The following LMNTD1 variants were observed in gnomAD, a reference collection of about 807,000 sequenced individuals.
LMNTD1 encodes the protein lamin tail domain containing 1.
In LMNTD1, 35 loss-of-function variants were observed where a neutral mutation model predicts 50.9. The observed-to-expected ratio is 0.69, with a 90% CI of 0.53 to 0.91. LMNTD1 has a LOEUF of 0.91. LMNTD1 is among the 40% of genes least tolerant of loss of function. The pLI is 0.00. For missense variants in LMNTD1, 470 were observed against 475.5 expected (o/e 0.99, Z 0.11); for synonymous variants, 153 against 161.9 (o/e 0.94, Z 0.42).
At chr12:25,597,587 C>A (rs1945870916) in intron 1 of LMNTD1, among the ~76,000 whole-genome samples, 1 of 152,026 alleles carries the variant, frequency 6.6e-6, no homozygotes, top group South Asian at 2.1e-4. Context: ...CTGGACAGAC[C>A]TTCCAGACAT....
intron 8 of LMNTD1, among the ~76,000 whole-genome samples, chr12:25,511,084 G>A (rs1029162495): frequency 5.9e-5 from 9 of 152,106 alleles, no homozygotes; most frequent in Non-Finnish European, 4.4e-5. Flanking sequence ...GAGGAGGGGT[G>A]AAAGAATGTG....
intron 1 of LMNTD1, among the ~76,000 whole-genome samples, chr12:25,606,774 G>T (rs917113334): frequency 6.6e-6 from 1 of 152,164 alleles, no homozygotes; most frequent in Non-Finnish European, 1.5e-5. Flanking sequence ...GTTCATCAAG[G>T]GTATTGGTCT....
At chr12:25,607,006 C>A (rs556637304) in intron 1 of LMNTD1, among the ~76,000 whole-genome samples, 3 of 152,116 alleles carry the variant, frequency 2.0e-5, no homozygotes, top group Admixed American at 2.0e-4. Flanking sequence ...GCCTCAATTT[C>A]GGAGCCTGTT....
chr12:25,638,875 A>G (rs1407341982), intron 1 of LMNTD1, among the ~76,000 whole-genome samples: 2 of 152,156 alleles, frequency 1.3e-5, no homozygotes, highest in Non-Finnish European at 2.9e-5. Context: ...AACAATCTGG[A>G]GAAACAAAGA....
chr12:25,631,892 C>A (rs749944043), intron 1 of LMNTD1, among the ~76,000 whole-genome samples: 1 of 151,774 alleles, frequency 6.6e-6, no homozygotes, highest in African/African-American at 2.4e-5. Flanking sequence ...CTAAGGAAAC[C>A]CCAAAAAAGA....
intron 8 of LMNTD1, among the ~76,000 whole-genome samples, chr12:25,511,036 G>A (rs938993880): frequency 2.6e-5 from 4 of 152,168 alleles, no homozygotes; most frequent in Non-Finnish European, 5.9e-5. Context: ...TGACATATAA[G>A]TGAAACTTTA....
At chr12:25,612,923 C>T (rs1386732752) in intron 1 of LMNTD1, among the ~76,000 whole-genome samples, 1 of 152,068 alleles carries the variant, frequency 6.6e-6, no homozygotes, top group East Asian at 1.9e-4. Context: ...GATGTAGTCT[C>T]AAGTGTTCTT....
rs531600728 is a variant in LMNTD1 at position 25,528,765 on chromosome 12, C to G, written c.492-1810G>C. ...TGCAGTGAAGCCCTCTGGTCACCAA[C>G]TCCTCCTGATGCTTCAGCAACTCAG... is the stretch of plus-strand genomic sequence containing the variant. On this transcript the variant is annotated intron_variant, in intron 4 of 9. Transcript: ENST00000458174. Among the ~76,000 whole-genome samples the G allele has an allele frequency of 3.0e-4, 46 of 152,260 alleles. 1 individual carries two copies. The highest frequency in any genetic ancestry group is 2.9e-3 in the Admixed American group (44 of 15,284).
chr12:25,578,066 T>G (rs1945110680), intron 1 of LMNTD1, among the ~76,000 whole-genome samples: 1 of 152,092 alleles, frequency 6.6e-6, no homozygotes, highest in Non-Finnish European at 1.5e-5. Flanking sequence ...TGTTCTCCTT[T>G]CTCCCATTTT....
intron 1 of LMNTD1, among the ~76,000 whole-genome samples, chr12:25,633,402 TC>T (rs1294967580): frequency 6.6e-6 from 1 of 152,096 alleles, no homozygotes; most frequent in Non-Finnish European, 1.5e-5. Context: ...TAGAAATTTC[TC>T]CAAGACAGAC....
intron 1 of LMNTD1, among the ~76,000 whole-genome samples, chr12:25,569,693 CATG>C (rs889267474): frequency 6.6e-6 from 1 of 152,166 alleles, no homozygotes; most frequent in Non-Finnish European, 1.5e-5. Context: ...AGTTAGTTCA[CATG>C]ATATCTGGTT....
rs1784876855 is a variant in LMNTD1 at position 25,520,146 on chromosome 12, A to G, written c.799-71T>C. On this transcript the variant is annotated intron_variant, in intron 6 of 9. Coordinates refer to ENST00000458174, the MANE Select transcript of LMNTD1 (RefSeq NM_001145728.2). ...TACAACATGCTGTTATGAGATATAC[A>G]TATATATATATATATATATATATAT... is the stretch of plus-strand genomic sequence containing the variant. 6.2e-5 allele frequency: 3 copies of G among 48,722 alleles called. 1 individual carries two copies. Among genetic ancestry groups the G allele is most frequent in the South Asian group, 1.6e-3 (2 of 1,268 alleles). 3.0% of individuals were successfully genotyped at this position (48,722 alleles called of 1,614,324 possible). A position where few individuals can be genotyped will look rare whatever the true frequency, so the allele number is the denominator to read the frequency against.
intron 1 of LMNTD1, among the ~76,000 whole-genome samples, chr12:25,565,378 G>T (rs1944516145): frequency 6.6e-6 from 1 of 152,010 alleles, no homozygotes; most frequent in Non-Finnish European, 1.5e-5. Context: ...TTATCATGAG[G>T]CTTGCAAATA....
chr12:25,607,841 C>G (rs1407964480), intron 1 of LMNTD1, among the ~76,000 whole-genome samples: 4 of 152,126 alleles, frequency 2.6e-5, no homozygotes, highest in Admixed American at 2.6e-4. Flanking sequence ...CTGTAGATGT[C>G]TATTAGGTCC....
chr12:25,606,684 A>G (rs974441892), intron 1 of LMNTD1, among the ~76,000 whole-genome samples: 2 of 152,154 alleles, frequency 1.3e-5, no homozygotes, highest in Non-Finnish European at 2.9e-5. Context: ...AATGAAGCCC[A>G]CTTGATCATG....
intron 3 of LMNTD1, among the ~76,000 whole-genome samples, chr12:25,547,018 C>T (rs1036405543): frequency 6.6e-6 from 1 of 151,528 alleles, no homozygotes; most frequent in African/African-American, 2.4e-5. Context: ...GTACTCTTGC[C>T]AGGTAAAGAC....
intron 9 of LMNTD1, among the ~76,000 whole-genome samples, chr12:25,478,431 T>C (rs2135901329): frequency 6.6e-6 from 1 of 152,216 alleles, no homozygotes; most frequent in Non-Finnish European, 1.5e-5. Flanking sequence ...AAATCTTACA[T>C]GATAAAAGAG....
At chr12:25,537,145 G>T (rs2169991) in intron 4 of LMNTD1, among the ~76,000 whole-genome samples, 94,186 of 152,020 alleles carry the variant, frequency 0.62, 30,542 homozygotes, top group Non-Finnish European at 0.71. Flanking sequence ...CAGCGAGGCT[G>T]GGGGAGGGGC....
upstream of LMNTD1, among the ~76,000 whole-genome samples, chr12:25,556,701 T>A (rs1473992103): frequency 6.6e-6 from 1 of 152,182 alleles, no homozygotes; most frequent in Non-Finnish European, 1.5e-5. Context: ...ATTAGGGTAA[T>A]GAAAACTGAG....
Sources: gnomAD v4.1 joint callset for allele counts (sites outside exome capture counted in the v4.1 genomes callset) on GRCh38, gnomAD v4.1.1 for gene constraint, MANE v1.5 for transcripts, NCBI Gene and HGNC (gene_info 2026-07-23, HGNC 2026-07-21) for gene names.